The following CDCA7L variants were observed in gnomAD, a reference collection of about 807,000 sequenced individuals.
CDCA7L encodes cell division cycle associated 7 like, also known as cell division cycle-associated 7-like protein.
Under a neutral mutation model 57.4 loss-of-function variants are expected in CDCA7L, and 44 were observed. The observed-to-expected ratio is 0.77, with a 90% CI of 0.60 to 0.98. The LOEUF (loss-of-function observed/expected upper bound fraction) is 0.98. CDCA7L is among the 50% of genes least tolerant of loss of function. The pLI is 0.00. For missense variants in CDCA7L, 644 were observed against 580.6 expected, an observed-to-expected ratio of 1.11 and a Z score of -1.12; for synonymous variants, 236 against 202.8, an observed-to-expected ratio of 1.16 and a Z score of -1.39.
At chr7:21,919,257 T>TA (rs529906543) in intron 1 of CDCA7L, among the ~76,000 whole-genome samples, 174 of 152,306 alleles carry the variant, frequency 1.1e-3, no homozygotes, top group Non-Finnish European at 1.4e-3. Context: ...CATGGATTTC[T>TA]AAAAATTATT....
chr7:21,924,597 GAACT>G (rs1171090668), intron 1 of CDCA7L, among the ~76,000 whole-genome samples: 2 of 152,098 alleles, frequency 1.3e-5, no homozygotes, highest in African/African-American at 4.8e-5. Context: ...CCAACCACAA[GAACT>G]AACTCAAAAT....
chr7:21,904,346 T>A, intron 7 of CDCA7L, 87 bp from the exon 8 acceptor site: 1 of 1,265,682 alleles, frequency 7.9e-7, no homozygotes, highest in Non-Finnish European at 1.1e-6. Flanking sequence ...TTTCCAAGTA[T>A]ATGAAGAAAT....
chr7:21,916,684 A>C (rs1785491956), intron 2 of CDCA7L, 70 bp downstream of exon 2: 1 of 1,424,150 alleles, frequency 7.0e-7, no homozygotes, highest in Non-Finnish European at 9.8e-7. Flanking sequence ...CCATGTTCAA[A>C]TAAAAGAACA....
At chr7:21,915,194 G>C (rs1415748276) in intron 2 of CDCA7L, among the ~76,000 whole-genome samples, 1 of 152,150 alleles carries the variant, frequency 6.6e-6, no homozygotes, top group Non-Finnish European at 1.5e-5. Flanking sequence ...TCCTGGACGG[G>C]AGTCAAGGAG....
At chr7:21,917,709 T>C (rs1051793185) in intron 1 of CDCA7L, among the ~76,000 whole-genome samples, 2 of 152,240 alleles carry the variant, frequency 1.3e-5, no homozygotes, top group African/African-American at 4.8e-5. Context: ...TATTTGGCTG[T>C]TTTTAACTTA....
At position 21,901,576 on chromosome 7, in the gene CDCA7L, A is replaced by AAAAGTACATCAT. The variant is rs1784858438; in HGVS notation, c.*745_*746insATGATGTACTTT. The AAAAGTACATCAT allele has an allele frequency of 2.1e-5, 4 of 187,994 alleles. No individual in the cohort carries two copies. The highest frequency in any genetic ancestry group is 7.0e-5 in the African/African-American group (3 of 42,752). 11.6% of individuals were successfully genotyped at this position (187,994 alleles called of 1,614,324 possible). On this transcript the variant is annotated 3_prime_UTR_variant, in exon 10 of 10. Coordinates refer to ENST00000406877, the MANE Select transcript of CDCA7L (RefSeq NM_018719.5). ...AGAACAAGACTCCATCTCAAAAAAA[A>AAAAGTACATCAT]AAAAGTACATCATAAAAGTACATCA...
Position 21,906,393 on chromosome 7 carries a change from G to A in CDCA7L, c.817C>T (p.Arg273Trp), listed in dbSNP as rs139249411. ...GQITRRMNPT[R>W]SARPPEKFAL... ...AACTTCTCAGGAGGCCGCGCACTCCGGGTTGGGTTCATACGCCGCGTGATC... is the reference window on the plus strand; with the variant it reads ...AACTTCTCAGGAGGCCGCGCACTCCAGGTTGGGTTCATACGCCGCGTGATC... The change falls in exon 6 of 10, where the codon CGG (arginine) becomes TGG (tryptophan). Residue 273 changes from arginine to tryptophan, a missense_variant. Coordinates refer to ENST00000406877, the MANE Select transcript of CDCA7L (RefSeq NM_018719.5). The A allele has an allele frequency of 6.8e-6, 11 of 1,613,646 alleles. No individual in the cohort carries two copies. The highest frequency in any genetic ancestry group is 8.5e-6 in the Non-Finnish European group (10 of 1,179,816).
In CDCA7L at chr7:21,902,021, A is replaced by C. The variant is rs764530980; in HGVS notation, c.*301T>G. On this transcript the variant is annotated 3_prime_UTR_variant, in exon 10 of 10. Transcript: ENST00000406877. ...TCATACAATGTTTTCTCTCTAACTT[A>C]CTTACCTGAACTTTAACCCCACCCC... 2 of 395,750 alleles carry C rather than the reference A, an allele frequency of 5.1e-6. No individual in the cohort carries two copies. The highest frequency in any genetic ancestry group is 4.6e-6 in the Non-Finnish European group (1 of 215,296). 24.5% of individuals were successfully genotyped at this position (395,750 alleles called of 1,614,324 possible).
rs1458014878 is a variant in CDCA7L, at chr7:21,916,646, ACAATGAACTGATATCAC to A, written c.165+91_165+107del. 9.8e-6 allele frequency: 10 copies of A among 1,023,128 alleles called. No individual in the cohort carries two copies. The South Asian group carries it at 1.4e-4, about 14-fold the overall frequency. The allele number at this position is 1,023,128 out of a possible 1,614,324, so 63.4% of individuals were successfully genotyped here. A position where few individuals can be genotyped will look rare whatever the true frequency, so the allele number is the denominator to read the frequency against. ...TAATGTTTCTAAAATAAAATGCTAG[ACAATGAACTGATATCAC>A]CAATCTCACACCATGTTCAAATAAA... On this transcript the variant is annotated intron_variant, in intron 2 of 9. Transcript: ENST00000406877.
At chr7:21,937,351 C>A (rs1419059839) in intron 1 of CDCA7L, among the ~76,000 whole-genome samples, 1 of 152,062 alleles carries the variant, frequency 6.6e-6, no homozygotes, top group African/African-American at 2.4e-5. Flanking sequence ...AAAAGAAGAA[C>A]AGACCAGGCG....
intron 1 of CDCA7L, among the ~76,000 whole-genome samples, chr7:21,939,185 G>A (rs537662161): frequency 6.6e-6 from 1 of 152,132 alleles, no homozygotes. Flanking sequence ...GAAGTAACCA[G>A]GGGCTGGAGG....
chr7:21,916,670 C>A, intron 2 of CDCA7L, 84 bp downstream of exon 2: 1 of 1,270,008 alleles, frequency 7.9e-7, no homozygotes, highest in South Asian at 1.3e-5. Flanking sequence ...TCACCAATCT[C>A]ACACCATGTT....
chr7:21,905,244 T>C (rs575593565), intron 7 of CDCA7L, among the ~76,000 whole-genome samples: 6 of 152,190 alleles, frequency 3.9e-5, no homozygotes, highest in African/African-American at 1.4e-4. Flanking sequence ...AACAGTTACA[T>C]ATAAAAATCC....
At chr7:21,902,373 AT>A (rs1784938891) in intron 9 of CDCA7L, 21 bp from the exon 10 acceptor site, 15 of 1,612,798 alleles carry the variant, frequency 9.3e-6, no homozygotes, top group Non-Finnish European at 1.3e-5. Flanking sequence ...GATGAGAAGT[AT>A]TTGGTAAAGT....
At position 21,916,856 on chromosome 7, in the gene CDCA7L, A is replaced by G; in HGVS notation, c.63T>C (p.Ser21=). Residue 21 remains serine (S), a synonymous_variant, in exon 2 of 10, where the codon AGT becomes AGC. Coordinates refer to ENST00000406877, the MANE Select transcript of CDCA7L (RefSeq NM_018719.5). The part of the protein sequence containing the change: ...KEVADIFNAP[S]DDEEFVGFRD... ...GGAAGCCAACAAACTCTTCATCATC[A>G]CTGGGGGCGTTAAAGATGTCAGCCA... 1 of 1,613,934 alleles carries G rather than the reference A, an allele frequency of 6.2e-7. No individual in the cohort carries two copies. The highest frequency in any genetic ancestry group is 8.5e-7 in the Non-Finnish European group (1 of 1,179,938).
At chr7:21,922,566 C>T (rs1785685441) in intron 1 of CDCA7L, among the ~76,000 whole-genome samples, 1 of 152,164 alleles carries the variant, frequency 6.6e-6, no homozygotes, top group African/African-American at 2.4e-5. Context: ...CACGGTGGAA[C>T]TCATAGGGCT....
chr7:21,915,681 G>C (rs950951693), intron 2 of CDCA7L, among the ~76,000 whole-genome samples: 2 of 136,464 alleles, frequency 1.5e-5, no homozygotes, highest in African/African-American at 5.6e-5. Flanking sequence ...ACACAAATTA[G>C]CCAGGCGTGG....
At chr7:21,938,127 T>C (rs999722378) in intron 1 of CDCA7L, among the ~76,000 whole-genome samples, 1 of 152,086 alleles carries the variant, frequency 6.6e-6, no homozygotes, top group East Asian at 1.9e-4. Flanking sequence ...GCAACCTATA[T>C]AGAATGAGAG....
intron 1 of CDCA7L, among the ~76,000 whole-genome samples, chr7:21,932,385 T>C (rs539449424): frequency 4.6e-5 from 7 of 152,316 alleles, no homozygotes; most frequent in East Asian, 1.9e-4. Flanking sequence ...GGCATCATGC[T>C]ACCTGATTTC....
Sources: gnomAD v4.1 joint callset for allele counts (sites outside exome capture counted in the v4.1 genomes callset) on GRCh38, gnomAD v4.1.1 for gene constraint, MANE v1.5 for transcripts, NCBI Gene and HGNC (gene_info 2026-07-23, HGNC 2026-07-21) for gene names.